The following ROBO2 variants were observed in gnomAD, a reference collection of about 807,000 sequenced individuals.
ROBO2 encodes the protein roundabout homolog 2.
A neutral mutation model predicts 160.8 loss-of-function variants in ROBO2; 53 were observed. The observed-to-expected ratio is 0.33, with a 90% CI of 0.26 to 0.41. The LOEUF (loss-of-function observed/expected upper bound fraction) is 0.41, where lower values mean the gene tolerates loss of function less well. Among genes scored for constraint, ROBO2 ranks in the 10% least tolerant of loss-of-function variants. The pLI, the probability that ROBO2 is intolerant of heterozygous loss-of-function variation, is 1.00. For synonymous variants in ROBO2, 664 were observed against 611.7 expected (o/e 1.09, Z -1.26); for missense variants, 1,577 against 1,722.4 (o/e 0.92, Z 1.49).
intron 2 of ROBO2, among the ~76,000 whole-genome samples, chr3:77,469,505 G>A (rs771179828): frequency 4.6e-5 from 7 of 152,116 alleles, no homozygotes; most frequent in Non-Finnish European, 8.8e-5. Flanking sequence ...AGGGCTAGGG[G>A]AATAATCTGT....
At chr3:76,129,911 T>C (rs892470168) in intron 2 of ROBO2, among the ~76,000 whole-genome samples, 3 of 151,994 alleles carry the variant, frequency 2.0e-5, no homozygotes, top group Admixed American at 1.3e-4. Context: ...TAGTTGAAAG[T>C]TTTCTCTCAT....
chr3:76,898,070 T>G (rs1028651316), intron 2 of ROBO2, among the ~76,000 whole-genome samples: 4 of 152,072 alleles, frequency 2.6e-5, no homozygotes, highest in Non-Finnish European at 5.9e-5. Flanking sequence ...GTGCATTGTC[T>G]CTCATAAGGG....
Position 77,580,134 on chromosome 3 carries a change from T to C in ROBO2, c.2500+16T>C, listed in dbSNP as rs369606538. On this transcript the variant is annotated intron_variant, in intron 16 of 25. Transcript: ENST00000461745. ...ATAATAATCGGTGAGTATCAAACTA[T>C]GTGGTCTGTGCTTTAGAATCAGTCA... 4.2e-5 allele frequency: 67 copies of C among 1,613,038 alleles called. No homozygotes were observed. The highest frequency in any genetic ancestry group is 5.0e-5 in the Non-Finnish European group (59 of 1,179,240).
intron 2 of ROBO2, among the ~76,000 whole-genome samples, chr3:76,688,807 T>C (rs2092738708): frequency 6.6e-6 from 1 of 152,080 alleles, no homozygotes; most frequent in South Asian, 2.1e-4. Flanking sequence ...GTAACTCATT[T>C]CATAATCTCT....
intron 2 of ROBO2, among the ~76,000 whole-genome samples, chr3:76,534,624 C>A (rs1387621916): frequency 1.3e-5 from 2 of 152,116 alleles, no homozygotes; most frequent in African/African-American, 4.8e-5. Context: ...TACCAACCAG[C>A]AGAATGCATT....
intron 2 of ROBO2, among the ~76,000 whole-genome samples, chr3:76,786,924 A>G (rs552126986): frequency 1.1e-3 from 173 of 151,550 alleles, no homozygotes; most frequent in African/African-American, 3.6e-3. Flanking sequence ...CATAGTTCAC[A>G]GGCTACACAG....
chr3:76,549,554 A>C (rs2083298285), intron 2 of ROBO2, among the ~76,000 whole-genome samples: 1 of 152,226 alleles, frequency 6.6e-6, no homozygotes, highest in African/African-American at 2.4e-5. Flanking sequence ...ATTTCAATGT[A>C]ACAAGTAGAG....
chr3:76,591,300 T>C (rs2086402168), intron 2 of ROBO2, among the ~76,000 whole-genome samples: 1 of 152,106 alleles, frequency 6.6e-6, no homozygotes, highest in Non-Finnish European at 1.5e-5. Context: ...CCTCCTCCCT[T>C]GAGTAGACTG....
intron 2 of ROBO2, among the ~76,000 whole-genome samples, chr3:76,287,134 T>A (rs1439628424): frequency 6.6e-6 from 1 of 152,140 alleles, no homozygotes; most frequent in Non-Finnish European, 1.5e-5. Flanking sequence ...CTATCCTGAC[T>A]GATAAGAGGA....
intron 2 of ROBO2, among the ~76,000 whole-genome samples, chr3:76,028,416 A>T (rs1038461106): frequency 3.3e-5 from 5 of 151,902 alleles, no homozygotes; most frequent in African/African-American, 1.2e-4. Context: ...CTTCTAAGTG[A>T]GGTTAAAAAG....
intron 2 of ROBO2, among the ~76,000 whole-genome samples, chr3:75,986,167 A>G (rs1294200960): frequency 6.6e-6 from 1 of 151,098 alleles, no homozygotes; most frequent in Non-Finnish European, 1.5e-5. Context: ...ACAGTGCACA[A>G]GTGTTACAGT....
intron 2 of ROBO2, among the ~76,000 whole-genome samples, chr3:77,373,145 T>G (rs1297388786): frequency 6.8e-6 from 1 of 147,088 alleles, no homozygotes; most frequent in Admixed American, 6.8e-5. Context: ...ATTATAAAAA[T>G]TATTATAAAA....
chr3:77,224,662 T>C (rs73101972), intron 2 of ROBO2, among the ~76,000 whole-genome samples: 4,238 of 151,946 alleles, frequency 0.028, 65 homozygotes, highest in Middle Eastern at 0.048. Flanking sequence ...GGAAGGTGTT[T>C]TTTGTTTTTG....
chr3:76,775,467 A>G (rs2062186983), intron 2 of ROBO2, among the ~76,000 whole-genome samples: 1 of 150,848 alleles, frequency 6.6e-6, no homozygotes, highest in South Asian at 2.1e-4. Flanking sequence ...TACTGGACGA[A>G]AGTAAACTTT....
chr3:76,541,444 T>G (rs2082811080), intron 2 of ROBO2, among the ~76,000 whole-genome samples: 1 of 149,702 alleles, frequency 6.7e-6, no homozygotes, highest in Non-Finnish European at 1.5e-5. Context: ...CTAAGATGTA[T>G]TTTTTTTAAT....
intron 2 of ROBO2, among the ~76,000 whole-genome samples, chr3:76,135,233 G>T (rs1167232999): frequency 6.6e-6 from 1 of 152,008 alleles, no homozygotes; most frequent in Non-Finnish European, 1.5e-5. Flanking sequence ...CCAGCTTTGT[G>T]CTCCCTGAGC....
In ROBO2 at chr3:76,762,446, T is replaced by G. The variant is rs1028919382; in HGVS notation, c.110-335568T>G. Among the ~76,000 whole-genome samples, 4 of 34,916 alleles carry G rather than the reference T, an allele frequency of 1.1e-4. No individual in the cohort carries two copies. The Admixed American group carries it at 1.3e-3, about 11-fold the overall frequency. 22.9% of individuals were successfully genotyped at this position (34,916 alleles called of 152,430 possible). On this transcript the variant is annotated intron_variant, in intron 2 of 26. Transcript: ENST00000487694. ...CTTCTCCACAATGAGAATCCAGCTG[T>G]TTTTTTTTTTTTTTTAACATGAGTG... is the stretch of plus-strand genomic sequence containing the variant.
At position 77,473,440 on chromosome 3, in the gene ROBO2, C is replaced by CTTTTTTT. The variant is rs71104688; in HGVS notation, c.389-3943_389-3937dup. Reference sequence around the variant, plus strand: ...CTGCAGTTCGATTTTACAAACTGCTCTTTTTTTTTTTTTTTTTTTTTTTTT... The same window carrying CTTTTTTT: ...CTGCAGTTCGATTTTACAAACTGCTCTTTTTTTTTTTTTTTTTTTTTTTTTTTTTTTT... On this transcript the variant is annotated intron_variant, in intron 2 of 25. Coordinates refer to ENST00000461745, the Ensembl canonical transcript of ROBO2. Among the ~76,000 whole-genome samples, 89 of 77,914 alleles carry CTTTTTTT rather than the reference C, an allele frequency of 1.1e-3. 14 individuals are homozygous for CTTTTTTT. The highest frequency in any genetic ancestry group is 2.0e-3 in the African/African-American group (43 of 21,484). The allele number at this position is 77,914 out of a possible 152,430, so 51.1% of individuals were successfully genotyped here.
At chr3:76,439,119 G>A (rs2076810062) in intron 2 of ROBO2, among the ~76,000 whole-genome samples, 1 of 152,084 alleles carries the variant, frequency 6.6e-6, no homozygotes, top group African/African-American at 2.4e-5. Flanking sequence ...CACCATTACT[G>A]TTTATTTCAC....
Sources: gnomAD v4.1 joint callset for allele counts (sites outside exome capture counted in the v4.1 genomes callset) on GRCh38, gnomAD v4.1.1 for gene constraint, MANE v1.5 for transcripts, NCBI Gene and HGNC (gene_info 2026-07-23, HGNC 2026-07-21) for gene names.